The following SLC9A8 variants were observed in gnomAD, a reference collection of about 807,000 sequenced individuals.
SLC9A8 encodes solute carrier family 9 member A8, also known as sodium/hydrogen exchanger 8.
A neutral mutation model predicts 66.6 loss-of-function variants in SLC9A8; 48 were observed. The observed-to-expected ratio is 0.72, with a 90% CI of 0.57 to 0.92. The LOEUF (loss-of-function observed/expected upper bound fraction) is 0.92. SLC9A8 is among the 40% of genes least tolerant of loss of function. SLC9A8 has a pLI of 0.00. For synonymous variants in SLC9A8, 274 were observed against 282.6 expected, an observed-to-expected ratio of 0.97 and a Z score of 0.31; for missense variants, 599 against 747.3, an observed-to-expected ratio of 0.80 and a Z score of 2.31.
rs1286770499 is a variant in SLC9A8 at position 49,863,046 on chromosome 20, C to T, written c.831C>T (p.Leu277=). ...MFFGSAALGT[L]TGLISALVLK... The stretch of plus-strand genomic sequence containing the variant: ...TTGGCTCTGCAGCGCTCGGCACTCT[C>T]ACTGGCTTAATTTCTGCATTAATAT... The change falls in exon 9 of 16, where the codon CTC becomes CTT. Residue 277 remains leucine (L), a synonymous_variant. Transcript: ENST00000361573. 2 of 1,613,306 alleles carry T rather than the reference C, an allele frequency of 1.2e-6. No homozygotes were observed. The highest frequency in any genetic ancestry group is 1.1e-5 in the South Asian group (1 of 90,770).
chr20:49,822,249 T>A (rs1409244875), intron 2 of SLC9A8, among the ~76,000 whole-genome samples: 1 of 152,230 alleles, frequency 6.6e-6, no homozygotes, highest in Non-Finnish European at 1.5e-5. Flanking sequence ...TACTTTTTCC[T>A]GTTTGTAAAA....
intron 15 of SLC9A8, among the ~76,000 whole-genome samples, chr20:49,887,279 T>C (rs910239559): frequency 6.6e-6 from 1 of 152,116 alleles, no homozygotes; most frequent in Non-Finnish European, 1.5e-5. Context: ...ACTGCTGGCC[T>C]CTCTTTAGTT....
rs936170247 is a variant in SLC9A8, at chr20:49,817,087, G to T, written c.208+1898G>T. Among the ~76,000 whole-genome samples, 3 of 151,282 alleles carry T rather than the reference G, an allele frequency of 2.0e-5. No homozygotes were observed. In the South Asian group the frequency reaches 6.3e-4, roughly 32 times the overall value. ...TCACACCTATAATCCCAGCACTTTC[G>T]CGTGGATCATCTAAGGTCAGGAGTT... On this transcript the variant is annotated intron_variant, in intron 2 of 15. Coordinates refer to ENST00000361573, the MANE Select transcript of SLC9A8 (RefSeq NM_015266.3).
At chr20:49,876,910 C>T (rs1357807182) in intron 11 of SLC9A8, among the ~76,000 whole-genome samples, 1 of 152,076 alleles carries the variant, frequency 6.6e-6, no homozygotes, top group Non-Finnish European at 1.5e-5. Flanking sequence ...AGCTTGTGGA[C>T]TTGTTTTAAA....
chr20:49,869,356 T>C (rs985315026), intron 10 of SLC9A8, among the ~76,000 whole-genome samples: 2 of 151,928 alleles, frequency 1.3e-5, no homozygotes, highest in Non-Finnish European at 2.9e-5. Flanking sequence ...GTAGCTGGGA[T>C]TACAGGTGCC....
At chr20:49,858,401 C>T (rs1221190082) in intron 8 of SLC9A8, among the ~76,000 whole-genome samples, 1 of 150,274 alleles carries the variant, frequency 6.7e-6, no homozygotes, top group African/African-American at 2.5e-5. Context: ...CCTGGCTACA[C>T]ATATTGAACA....
At chr20:49,812,972 G>C (rs6020064) in intron 1 of SLC9A8, 24 bp downstream of exon 1, 600,936 of 1,388,406 alleles carry the variant, frequency 0.43, 132,895 homozygotes, top group African/African-American at 0.61. Context: ...TTCCCGGGCG[G>C]CGGAGGCGGC....
intron 15 of SLC9A8, 143 bp downstream of exon 15, chr20:49,887,041 G>A: frequency 2.4e-6 from 2 of 834,698 alleles, no homozygotes; most frequent in East Asian, 5.3e-5. Flanking sequence ...TCCCGATCTG[G>A]AGGCTGGACG....
chr20:49,883,590 G>T (rs2089712241), intron 13 of SLC9A8, among the ~76,000 whole-genome samples: 1 of 152,166 alleles, frequency 6.6e-6, no homozygotes, highest in Admixed American at 6.5e-5. Context: ...TCCCGCACCC[G>T]CATCTGGGGC....
At position 49,890,608 on chromosome 20, in the gene SLC9A8, T is replaced by G. The variant is rs2090019584; in HGVS notation, c.*2672T>G. ...CCATGCTTTCTGCAGCCTGTAGTTG[T>G]TATGACCCCTCGGAACAACCACCCC... On this transcript the variant is annotated 3_prime_UTR_variant, in exon 16 of 16. Transcript: ENST00000361573. 1 of 152,224 alleles carries G rather than the reference T, an allele frequency of 6.6e-6. No homozygotes were observed. The highest frequency in any genetic ancestry group is 2.1e-4 in the South Asian group (1 of 4,832). 9.4% of individuals were successfully genotyped at this position (152,224 alleles called of 1,614,324 possible).
chr20:49,846,023 C>T (rs906320908), intron 5 of SLC9A8, among the ~76,000 whole-genome samples: 5 of 151,930 alleles, frequency 3.3e-5, no homozygotes, highest in Admixed American at 1.3e-4. Context: ...TTAGTAGAGA[C>T]GGACGGGGTT....
At chr20:49,854,937 C>T (rs924496186) in intron 7 of SLC9A8, among the ~76,000 whole-genome samples, 5 of 152,146 alleles carry the variant, frequency 3.3e-5, no homozygotes, top group South Asian at 2.1e-4. Context: ...GTGTTTCTCT[C>T]GGCTGTCTAC....
intron 10 of SLC9A8, among the ~76,000 whole-genome samples, chr20:49,870,558 A>G (rs1453203712): frequency 6.6e-6 from 1 of 152,188 alleles, no homozygotes; most frequent in African/African-American, 2.4e-5. Context: ...GCTGCCTCAC[A>G]GGTTCTGCAG....
chr20:49,818,148 A>G (rs2086622108), intron 2 of SLC9A8, among the ~76,000 whole-genome samples: 1 of 152,202 alleles, frequency 6.6e-6, no homozygotes, highest in Non-Finnish European at 1.5e-5. Flanking sequence ...AGACCACAAA[A>G]CAGGTTTCTA....
At position 49,847,042 on chromosome 20, in the gene SLC9A8, T is replaced by A. The variant is rs562697021; in HGVS notation, c.432+1923T>A. The stretch of plus-strand genomic sequence containing the variant: ...AAATGTTTGGTAAAAACATAGAAAT[T>A]AAGTCTTTAATTTTCCTGTACTAAA... On this transcript the variant is annotated intron_variant, in intron 5 of 15. Coordinates refer to ENST00000361573, the MANE Select transcript of SLC9A8 (RefSeq NM_015266.3). 1.1e-4 allele frequency among the ~76,000 whole-genome samples: 17 copies of A among 152,296 alleles called. 1 individual carries two copies. In the South Asian group the frequency reaches 3.5e-3, roughly 32 times the overall value.
Position 49,883,898 on chromosome 20 carries a change from C to T in SLC9A8, c.1323C>T (p.Pro441=). 1.9e-6 allele frequency: 3 copies of T among 1,610,596 alleles called. No homozygotes were observed. Among genetic ancestry groups the T allele is most frequent in the Non-Finnish European group, 2.5e-6 (3 of 1,179,988 alleles). Residue 441 remains proline (P), a synonymous_variant, in exon 14 of 16, where the codon CCC becomes CCT. Coordinates refer to ENST00000361573, the MANE Select transcript of SLC9A8 (RefSeq NM_015266.3). ...YALSLHLDLE[P]MEKRQLIGTT... is the part of the protein sequence containing the mutation. ...TGAGCCTACACCTGGACCTGGAGCC[C>T]ATGGAGAAGCGGCAGCTCATCGGCA...
chr20:49,815,069 A>G lies in SLC9A8; in HGVS notation c.88A>G (p.Thr30Ala). 1.9e-6 allele frequency: 3 copies of G among 1,609,376 alleles called. No individual in the cohort carries two copies. Among genetic ancestry groups the G allele is most frequent in the East Asian group, 2.2e-5 (1 of 44,468 alleles). The change falls in exon 2 of 16, where the codon ACG (threonine) becomes GCG (alanine). Residue 30 changes from threonine (T) to alanine (A), a missense_variant. Coordinates refer to ENST00000361573, the MANE Select transcript of SLC9A8 (RefSeq NM_015266.3). ...NVTLHTTLVVTTKLVLPTPGK... is the reference protein window; with the variant it reads ...NVTLHTTLVVATKLVLPTPGK... ...CACCCTCCACACCACCCTGGTTGTC[A>G]CGACGAAACTGGTGCTCCCGACCCC...
chr20:49,886,625 C>A lies in SLC9A8; in HGVS notation c.1492-127C>A. The A allele has an allele frequency of 8.7e-7, 1 of 1,145,848 alleles. No individual in the cohort carries two copies. Among genetic ancestry groups the A allele is most frequent in the Non-Finnish European group, 1.2e-6 (1 of 807,734 alleles). The allele number at this position is 1,145,848 out of a possible 1,614,324, so 71.0% of individuals were successfully genotyped here. ...AGGAGGCCGTCTGCTGCCCGTCACC[C>A]TGCATTGATGGTCAAGTGGAGTTAG... On this transcript the variant is annotated intron_variant, in intron 14 of 15. Transcript: ENST00000361573. The surrounding 1 kb of genome is among the most constrained non-coding windows in gnomAD (Gnocchi z 4.8).
At chr20:49,862,813 T>TG in intron 8 of SLC9A8, 116 bp from the exon 9 acceptor site, 1 of 759,658 alleles carries the variant, frequency 1.3e-6, no homozygotes, top group Admixed American at 3.8e-5. Flanking sequence ...ACTGAATGAA[T>TG]GATGGTATGA....
Sources: allele counts gnomAD v4.1 joint callset (sites outside exome capture counted in the v4.1 genomes callset), GRCh38; gene constraint gnomAD v4.1.1; non-coding constraint Gnocchi (gnomAD v3.1); transcripts MANE v1.5; gene names NCBI Gene and HGNC (gene_info 2026-07-23, HGNC 2026-07-21).